Variants in P4HA1 observed in about 807,000 individuals in gnomAD.
The protein encoded by P4HA1 is prolyl 4-hydroxylase subunit alpha 1.
Under a neutral mutation model 72.8 loss-of-function variants are expected in P4HA1, and 24 were observed. The observed-to-expected ratio is 0.33, with a 90% CI of 0.24 to 0.46. The LOEUF is 0.46. P4HA1 is among the 20% of genes least tolerant of loss of function. The probability of loss-of-function intolerance (pLI) is 1.00; values close to 1 mark genes in which losing one functional copy is unlikely to be tolerated. For synonymous variants in P4HA1, 201 were observed against 218.8 expected (o/e 0.92, Z 0.72); for missense variants, 446 against 640.6 (o/e 0.70, Z 3.28).
At chr10:73,040,758 C>A (rs1840712460) in intron 9 of P4HA1, among the ~76,000 whole-genome samples, 1 of 152,092 alleles carries the variant, frequency 6.6e-6, no homozygotes, top group Non-Finnish European at 1.5e-5. Flanking sequence ...AGGCGTGAGC[C>A]ACCACTCCTG....
chr10:73,060,196 T>C (rs1841279869), intron 5 of P4HA1, among the ~76,000 whole-genome samples: 1 of 152,168 alleles, frequency 6.6e-6, no homozygotes, highest in African/African-American at 2.4e-5. Flanking sequence ...ATGAATAAAA[T>C]AGTATGAGTT....
chr10:73,068,824 T>C (rs1841484228), intron 5 of P4HA1, 22 bp downstream of exon 5: 3 of 1,597,740 alleles, frequency 1.9e-6, no homozygotes, highest in Non-Finnish European at 2.6e-6. Context: ...AGGTATTTTA[T>C]AGAATGGAAG....
At chr10:73,087,272 T>C (rs61662398) in intron 1 of P4HA1, among the ~76,000 whole-genome samples, 372 of 148,956 alleles carry the variant, frequency 2.5e-3, no homozygotes, top group African/African-American at 8.7e-3. Context: ...GCCTTTATTT[T>C]TTTTTTTTTT....
At position 73,051,247 on chromosome 10, in the gene P4HA1, G is replaced by T. The variant is rs183675937; in HGVS notation, c.706C>A (p.Pro236Thr). The change falls in exon 7 of 15, where the codon CCT becomes ACT. Residue 236 changes from proline to threonine, a missense_variant and splice_region_variant. Coordinates refer to ENST00000394890, the MANE Select transcript of P4HA1 (RefSeq NM_001017962.3). ...LLTKKLLELD[P>T]EHQRANGNLK... ...TTACCATTAGCTCTCTGATGTTCAG[G>T]ATCTATTAGAAGAGAAACAAAGCAT... The T allele has an allele frequency of 1.9e-4, 294 of 1,550,972 alleles. No individual in the cohort carries two copies. The highest frequency in any genetic ancestry group is 2.4e-4 in the Non-Finnish European group (270 of 1,126,620).
chr10:73,038,921 C>T (rs899618072), intron 9 of P4HA1, among the ~76,000 whole-genome samples: 3 of 110,030 alleles, frequency 2.7e-5, no homozygotes, highest in Non-Finnish European at 5.0e-5. Context: ...CCACCGTGCC[C>T]GGCCTTTATT....
intron 4 of P4HA1, among the ~76,000 whole-genome samples, chr10:73,070,732 G>A (rs1353162759): frequency 6.6e-6 from 1 of 152,062 alleles, no homozygotes; most frequent in Admixed American, 6.6e-5. Context: ...TATCTCTTAT[G>A]CTACAAACAA....
At chr10:73,013,226 A>G (rs1306377133) in intron 12 of P4HA1, among the ~76,000 whole-genome samples, 1 of 152,236 alleles carries the variant, frequency 6.6e-6, no homozygotes, top group Non-Finnish European at 1.5e-5. Context: ...CTGCAGTGGT[A>G]GGGTCTGTGT....
At chr10:73,084,774 G>C (rs1841892464) in intron 1 of P4HA1, among the ~76,000 whole-genome samples, 1 of 152,126 alleles carries the variant, frequency 6.6e-6, no homozygotes. Context: ...TTAATTACCT[G>C]GGAATAAACA....
At chr10:73,042,687 T>C (rs1211135484) in intron 9 of P4HA1, among the ~76,000 whole-genome samples, 1 of 152,092 alleles carries the variant, frequency 6.6e-6, no homozygotes, top group Non-Finnish European at 1.5e-5. Context: ...ATTCCATTCT[T>C]ATCCTAGAAC....
chr10:73,031,138 T>C (rs533853424), intron 9 of P4HA1, among the ~76,000 whole-genome samples: 6 of 152,194 alleles, frequency 3.9e-5, no homozygotes, highest in Non-Finnish European at 8.8e-5. Flanking sequence ...TATCAATGGA[T>C]ACATAAAACG....
At chr10:73,009,551 G>A (rs1589567933) in intron 14 of P4HA1, 2 of 376,898 alleles carry the variant, frequency 5.3e-6, no homozygotes, top group East Asian at 9.2e-5. Flanking sequence ...ACCCTTTGAG[G>A]GGAAGATATT....
intron 9 of P4HA1, among the ~76,000 whole-genome samples, chr10:73,037,550 TATATATATATATATA>T (rs1840613795): frequency 2.6e-4 from 8 of 30,452 alleles, no homozygotes; most frequent in African/African-American, 1.0e-3. Flanking sequence ...TATATATATA[TATATATATATATATA>T]TATATATTTT....
chr10:73,061,062 T>C (rs1049932445), intron 5 of P4HA1, among the ~76,000 whole-genome samples: 1 of 152,084 alleles, frequency 6.6e-6, no homozygotes. Flanking sequence ...TAACCCCTAA[T>C]GAAATAGTGG....
intron 7 of P4HA1, among the ~76,000 whole-genome samples, chr10:73,048,021 C>G (rs1840915206): frequency 1.3e-5 from 2 of 152,124 alleles, no homozygotes; most frequent in Non-Finnish European, 2.9e-5. Context: ...CACTACACTC[C>G]AGCCTGGGTG....
At chr10:73,024,287 A>T (rs564298231) in intron 10 of P4HA1, among the ~76,000 whole-genome samples, 78 of 152,302 alleles carry the variant, frequency 5.1e-4, no homozygotes, top group African/African-American at 1.8e-3. Flanking sequence ...ATCACAACAA[A>T]CTGTCTCTCA....
intron 11 of P4HA1, among the ~76,000 whole-genome samples, chr10:73,015,557 T>C (rs1839993082): frequency 6.6e-6 from 1 of 152,192 alleles, no homozygotes; most frequent in Non-Finnish European, 1.5e-5. Flanking sequence ...CCCATAAGGC[T>C]CCTGTATCAC....
intron 8 of P4HA1, among the ~76,000 whole-genome samples, chr10:73,046,177 T>C (rs1379054555): frequency 6.6e-6 from 1 of 152,158 alleles, no homozygotes; most frequent in Non-Finnish European, 1.5e-5. Flanking sequence ...TATTGACCTT[T>C]ATGGAAAAAA....
At position 73,008,106 on chromosome 10, in the gene P4HA1, G is replaced by T; in HGVS notation, c.*116C>A. On this transcript the variant is annotated 3_prime_UTR_variant, in exon 15 of 15. Transcript: ENST00000394890. Reference sequence around the variant, plus strand: ...AGATGAAACATGGGATGAGGTTCATGACTGAATCAATCATGGAGTGTTAGT... The same window carrying T: ...AGATGAAACATGGGATGAGGTTCATTACTGAATCAATCATGGAGTGTTAGT... 1 of 621,460 alleles carries T rather than the reference G, an allele frequency of 1.6e-6. No individual in the cohort carries two copies. Among genetic ancestry groups the T allele is most frequent in the Non-Finnish European group, 2.9e-6 (1 of 342,642 alleles). The allele number at this position is 621,460 out of a possible 1,614,324, so 38.5% of individuals were successfully genotyped here.
intron 9 of P4HA1, among the ~76,000 whole-genome samples, chr10:73,039,645 T>C (rs1355243799): frequency 6.6e-6 from 1 of 152,066 alleles, no homozygotes; most frequent in East Asian, 1.9e-4. Context: ...GTTCCAAAAA[T>C]ATTTTGCCAA....
Sources: gnomAD v4.1 joint callset for allele counts (sites outside exome capture counted in the v4.1 genomes callset) on GRCh38, gnomAD v4.1.1 for gene constraint, MANE v1.5 for transcripts, NCBI Gene and HGNC (gene_info 2026-07-23, HGNC 2026-07-21) for gene names.